The following CNTNAP2 variants were observed in gnomAD, a reference collection of about 807,000 sequenced individuals.
CNTNAP2 encodes the protein contactin-associated protein-like 2.
In CNTNAP2, 98 loss-of-function variants were observed where a neutral mutation model predicts 155.2. The observed-to-expected ratio is 0.63, with a 90% CI of 0.54 to 0.75. The LOEUF (loss-of-function observed/expected upper bound fraction) is 0.75, where lower values mean the gene tolerates loss of function less well. Ranked by LOEUF, CNTNAP2 falls within the 30% of genes least tolerant of loss-of-function variation. The pLI, the probability that CNTNAP2 is intolerant of heterozygous loss-of-function variation, is 0.00. For missense variants in CNTNAP2, 1,727 were observed against 1,688.1 expected (o/e 1.02, Z -0.40); for synonymous variants, 651 against 631.2 (o/e 1.03, Z -0.47).
In CNTNAP2 at chr7:147,128,728, C is replaced by G; in HGVS notation, c.975C>G (p.Pro325=). 6.2e-7 allele frequency: 1 copy of G among 1,614,024 alleles called. No individual in the cohort carries two copies. Among genetic ancestry groups the G allele is most frequent in the Admixed American group, 1.7e-5 (1 of 59,992 alleles). Residue 325 remains proline (P), a synonymous_variant, in exon 7 of 24, where the codon CCC becomes CCG. Transcript: ENST00000361727. Reference sequence around the variant, plus strand: ...GAGGCATCCCTTTCTCTGGCAAGCCCAGCTCCAGCAGTAGAAAGAATTTCA... The same window carrying G: ...GAGGCATCCCTTTCTCTGGCAAGCCGAGCTCCAGCAGTAGAAAGAATTTCA... ...TFGGIPFSGK[P]SSSSRKNFKG... is the part of the protein sequence containing the mutation.
At chr7:146,713,817 C>G (rs1035089782) in intron 1 of CNTNAP2, among the ~76,000 whole-genome samples, 1 of 152,092 alleles carries the variant, frequency 6.6e-6, no homozygotes, top group Non-Finnish European at 1.5e-5. Flanking sequence ...AGCCACTTGT[C>G]GTATGGCATG....
At chr7:146,739,601 A>C in intron 1 of CNTNAP2, among the ~76,000 whole-genome samples, 1 of 152,036 alleles carries the variant, frequency 6.6e-6, no homozygotes, top group African/African-American at 2.4e-5. Context: ...ATGAATATGC[A>C]TAGAATAATG....
intron 13 of CNTNAP2, among the ~76,000 whole-genome samples, chr7:147,863,788 T>G (rs1799176070): frequency 6.6e-6 from 1 of 151,822 alleles, no homozygotes; most frequent in African/African-American, 2.4e-5. Context: ...TTTTTTTTCT[T>G]GTAAATTTGT....
At chr7:147,326,250 G>T (rs1320409752) in intron 9 of CNTNAP2, among the ~76,000 whole-genome samples, 1 of 152,108 alleles carries the variant, frequency 6.6e-6, no homozygotes, top group Non-Finnish European at 1.5e-5. Flanking sequence ...CTATCTTTAT[G>T]AATTTGAATA....
At chr7:147,399,278 T>C (rs552380369) in intron 10 of CNTNAP2, among the ~76,000 whole-genome samples, 2 of 152,244 alleles carry the variant, frequency 1.3e-5, no homozygotes, top group Non-Finnish European at 2.9e-5. Context: ...TAGAGCAACA[T>C]GATGTACTCA....
At chr7:148,068,070 C>T (rs902704589) in intron 15 of CNTNAP2, among the ~76,000 whole-genome samples, 1 of 152,134 alleles carries the variant, frequency 6.6e-6, no homozygotes, top group Non-Finnish European at 1.5e-5. Flanking sequence ...AGACTACAAG[C>T]CTCCCAGCTG....
At chr7:147,908,943 AATAG>A (rs1800013815) in intron 14 of CNTNAP2, among the ~76,000 whole-genome samples, 1 of 152,232 alleles carries the variant, frequency 6.6e-6, no homozygotes, top group Non-Finnish European at 1.5e-5. Flanking sequence ...GCAAAATAGA[AATAG>A]ATAGTATAGT....
chr7:147,824,264 T>C (rs1325306563), intron 13 of CNTNAP2, among the ~76,000 whole-genome samples: 1 of 152,190 alleles, frequency 6.6e-6, no homozygotes, highest in Non-Finnish European at 1.5e-5. Flanking sequence ...GAGAGTAGAA[T>C]TTCTTCCTTC....
chr7:147,168,043 T>C (rs984592570), intron 8 of CNTNAP2, among the ~76,000 whole-genome samples: 2 of 148,930 alleles, frequency 1.3e-5, no homozygotes, highest in African/African-American at 2.4e-5. Flanking sequence ...TACATATGTA[T>C]ATATAAAATG....
intron 13 of CNTNAP2, among the ~76,000 whole-genome samples, chr7:147,808,714 TTCCTTCTC>T (rs1798132236): frequency 6.6e-6 from 1 of 152,208 alleles, no homozygotes; most frequent in African/African-American, 2.4e-5. Flanking sequence ...TAATGTGAAA[TTCCTTCTC>T]ATCCTTTAAA....
chr7:148,034,357 T>C (rs1271099759), intron 15 of CNTNAP2, among the ~76,000 whole-genome samples: 1 of 152,152 alleles, frequency 6.6e-6, no homozygotes, highest in Middle Eastern at 3.2e-3. Flanking sequence ...TGCAGGGATA[T>C]TGGGAGGTTA....
chr7:147,765,690 CAT>C (rs544631251), intron 13 of CNTNAP2, among the ~76,000 whole-genome samples: 34 of 151,818 alleles, frequency 2.2e-4, no homozygotes, highest in Non-Finnish European at 3.2e-4. Context: ...GTAAAAAAAA[CAT>C]GTGGTTATCA....
intron 1 of CNTNAP2, among the ~76,000 whole-genome samples, chr7:146,452,120 G>T (rs1376506277): frequency 6.6e-6 from 1 of 151,566 alleles, no homozygotes; most frequent in East Asian, 1.9e-4. Flanking sequence ...TATTAGCCAG[G>T]ATGGTCTTGA....
chr7:147,337,528 C>T (rs826800), intron 9 of CNTNAP2, among the ~76,000 whole-genome samples: 119,715 of 152,070 alleles, frequency 0.79, 47,718 homozygotes, highest in African/African-American at 0.92. Flanking sequence ...TGTGTGTCTT[C>T]TAAGTTAGGG....
At chr7:146,295,467 CAAATTT>C (rs1323166879) in intron 1 of CNTNAP2, among the ~76,000 whole-genome samples, 2 of 152,014 alleles carry the variant, frequency 1.3e-5, no homozygotes, top group East Asian at 3.8e-4. Flanking sequence ...CACCATGTCT[CAAATTT>C]AGATTGAGAA....
chr7:148,118,458 C>G (rs879796831), intron 16 of CNTNAP2, among the ~76,000 whole-genome samples, 170 bp downstream of exon 16: 22 of 152,048 alleles, frequency 1.4e-4, no homozygotes, highest in Non-Finnish European at 7.4e-5. Flanking sequence ...AACCTCAGTC[C>G]CTGTCCTTGG....
At chr7:147,366,595 T>C (rs1183105507) in intron 9 of CNTNAP2, among the ~76,000 whole-genome samples, 1 of 152,124 alleles carries the variant, frequency 6.6e-6, no homozygotes, top group Non-Finnish European at 1.5e-5. Flanking sequence ...TGATACTATA[T>C]TCTTTATTTT....
At chr7:146,380,679 G>A (rs1002522813) in intron 1 of CNTNAP2, among the ~76,000 whole-genome samples, 9 of 150,662 alleles carry the variant, frequency 6.0e-5, no homozygotes, top group South Asian at 4.2e-4. Flanking sequence ...TGAGAAACAG[G>A]GACAAATTAT....
chr7:146,550,415 T>TTTTTTG (rs1554447443), intron 1 of CNTNAP2, among the ~76,000 whole-genome samples: 14,974 of 115,314 alleles, frequency 0.13, 1,701 homozygotes, highest in South Asian at 0.22. Context: ...TTTTTTTTTT[T>TTTTTTG]TTTTTTTTTT....
Sources: gnomAD v4.1 joint callset for allele counts (sites outside exome capture counted in the v4.1 genomes callset) on GRCh38, gnomAD v4.1.1 for gene constraint, MANE v1.5 for transcripts, NCBI Gene and HGNC (gene_info 2026-07-23, HGNC 2026-07-21) for gene names.